The following DAPK2 variants were observed in gnomAD, a reference collection of about 807,000 sequenced individuals.
DAPK2 encodes the protein death-associated protein kinase 2.
In DAPK2, 35 loss-of-function variants were observed where a neutral mutation model predicts 44.1. That is an observed-to-expected ratio of 0.79 (90% CI 0.61 to 1.05). The LOEUF is 1.05. DAPK2 is among the 50% of genes least tolerant of loss of function. The probability of loss-of-function intolerance (pLI) is 0.00; values close to 1 mark genes in which losing one functional copy is unlikely to be tolerated. For missense variants in DAPK2, 453 were observed against 483.2 expected, an observed-to-expected ratio of 0.94 and a Z score of 0.59; for synonymous variants, 174 against 182.6, an observed-to-expected ratio of 0.95 and a Z score of 0.38.
chr15:63,912,068 G>GCCCCCCCCCAGTGCCCCCCCC lies in DAPK2; in HGVS notation c.948+39_948+40insGGGGGGGGCACTGGGGGGGGG. 3.8e-6 allele frequency: 5 copies of GCCCCCCCCCAGTGCCCCCCCC among 1,312,388 alleles called. No individual in the cohort carries two copies. The highest frequency in any genetic ancestry group is 5.4e-6 in the Non-Finnish European group (5 of 924,232). The allele number at this position is 1,312,388 out of a possible 1,614,324, so 81.3% of individuals were successfully genotyped here. A position where few individuals can be genotyped will look rare whatever the true frequency, so the allele number is the denominator to read the frequency against. Reference sequence around the variant, plus strand: ...CTGGAGAGCCAGAAACCCCGCCCTAGCCCCCACCCTGTCCCCCGCCGCCCC... The same window carrying GCCCCCCCCCAGTGCCCCCCCC: ...CTGGAGAGCCAGAAACCCCGCCCTAGCCCCCCCCCAGTGCCCCCCCCCCCCCACCCTGTCCCCCGCCGCCCC... On this transcript the variant is annotated intron_variant, in intron 9 of 10. Transcript: ENST00000261891. This position sits in a 1 kb window ranked among gnomAD's most constrained non-coding sequence, Gnocchi z 4.4.
At chr15:64,024,574 C>T (rs1017091085) in intron 1 of DAPK2, among the ~76,000 whole-genome samples, 1 of 152,212 alleles carries the variant, frequency 6.6e-6, no homozygotes, top group African/African-American at 2.4e-5. Context: ...CACCAAGGAG[C>T]TCACAGTGGC....
At chr15:63,983,601 C>T (rs765288665) in exon 2 of DAPK2, 1 of 1,614,232 alleles carries the variant, frequency 6.2e-7, no homozygotes, top group Non-Finnish European at 8.5e-7. Flanking sequence ...CATTGTGGTG[C>T]AGCACCTGCC....
At chr15:63,993,002 G>C (rs1216824254) in intron 1 of DAPK2, among the ~76,000 whole-genome samples, 1 of 152,182 alleles carries the variant, frequency 6.6e-6, no homozygotes, top group Non-Finnish European at 1.5e-5. Context: ...GATGGTTTGA[G>C]GCTCTCCTGT....
At chr15:64,029,951 G>A (rs1473874491) in intron 1 of DAPK2, 1 of 152,524 alleles carries the variant, frequency 6.6e-6, no homozygotes, top group Non-Finnish European at 1.5e-5. Context: ...ACCCCCCTCA[G>A]GAGGACTGGT....
In DAPK2 at chr15:63,934,341, C is replaced by G. The variant is rs183128775; in HGVS notation, c.584-3886G>C. On this transcript the variant is annotated intron_variant, in intron 4 of 10. Transcript: ENST00000261891. ...GTGCCATCTTGGCTCACTGCAACCT[C>G]TGCCTCCTGGGTTCAAGTGATTCTC... 3.3e-3 allele frequency among the ~76,000 whole-genome samples: 484 copies of G among 144,748 alleles called. 4 individuals are homozygous for G. The highest frequency in any genetic ancestry group is 0.027 in the Middle Eastern group (7 of 260). 95.0% of individuals were successfully genotyped at this position (144,748 alleles called of 152,430 possible).
chr15:63,973,484 T>A (rs1324283672), intron 2 of DAPK2, among the ~76,000 whole-genome samples: 2 of 152,218 alleles, frequency 1.3e-5, no homozygotes, highest in Non-Finnish European at 2.9e-5. Flanking sequence ...CATTCTTCCT[T>A]TTAGAATGGG....
At chr15:63,973,446 C>T (rs2078266728) in intron 2 of DAPK2, among the ~76,000 whole-genome samples, 1 of 152,224 alleles carries the variant, frequency 6.6e-6, no homozygotes, top group Admixed American at 6.5e-5. Context: ...TGTACTGGCT[C>T]AGAACCTGTC....
chr15:63,981,101 AAAAAG>A (rs1021343675), intron 2 of DAPK2, among the ~76,000 whole-genome samples: 6 of 152,052 alleles, frequency 3.9e-5, no homozygotes, highest in African/African-American at 1.2e-4. Context: ...AAAAAAAAAA[AAAAAG>A]AGGTGATTGG....
At chr15:63,930,538 G>T in intron 4 of DAPK2, 83 bp from the exon 6 acceptor site, 1 of 1,277,820 alleles carries the variant, frequency 7.8e-7, no homozygotes, top group Non-Finnish European at 1.1e-6. Context: ...GGAATTTGGT[G>T]CCAAATATCT....
intron 3 of DAPK2, among the ~76,000 whole-genome samples, chr15:63,956,075 T>C (rs2077714013): frequency 6.6e-6 from 1 of 152,222 alleles, no homozygotes; most frequent in Non-Finnish European, 1.5e-5. Context: ...TCCAGCCTAT[T>C]GGAAATCATA....
intron 8 of DAPK2, among the ~76,000 whole-genome samples, chr15:63,915,333 G>GCACCC (rs1258958670): frequency 6.6e-6 from 1 of 152,112 alleles, no homozygotes; most frequent in East Asian, 1.9e-4. Flanking sequence ...AAGGTGCTTA[G>GCACCC]CACCCTCCCC....
At chr15:63,929,944 G>T (rs1413704675) in intron 5 of DAPK2, 2 of 450,516 alleles carry the variant, frequency 4.4e-6, no homozygotes, top group South Asian at 3.8e-5. Flanking sequence ...GGTAACAAAG[G>T]TGCTTGGCCA....
intron 4 of DAPK2, among the ~76,000 whole-genome samples, chr15:63,933,287 A>T (rs2077028459): frequency 6.6e-6 from 1 of 152,172 alleles, no homozygotes; most frequent in African/African-American, 2.4e-5. Flanking sequence ...CTTTTTGCCC[A>T]GGCTGGAGTG....
rs1171460098 is a variant in DAPK2 at position 63,923,797 on chromosome 15, C to A, written c.858+1019G>T. Among the ~76,000 whole-genome samples the A allele has an allele frequency of 6.6e-6, 1 of 152,226 alleles. No homozygotes were observed. Among genetic ancestry groups the A allele is most frequent in the Non-Finnish European group, 1.5e-5 (1 of 68,036 alleles). On this transcript the variant is annotated intron_variant, in intron 8 of 10. Coordinates refer to ENST00000261891, the Ensembl canonical transcript of DAPK2. This position sits in a 1 kb window ranked among gnomAD's most constrained non-coding sequence, Gnocchi z 4.2. ...CTGACCTCTTCCCAGACGACTCCAG[C>A]CCTCCCTGTTCTGTCTTCCACAGGC...
rs2079246747 is a variant in DAPK2, at chr15:63,925,968, A to G, written c.785T>C (p.Ile262Thr). The G allele has an allele frequency of 2.5e-6, 4 of 1,614,032 alleles. No homozygotes were observed. The African/African-American group carries it at 5.3e-5, about 22-fold the overall frequency. The change falls in exon 7 of 11, where the codon ATT (isoleucine) becomes ACT (threonine). Residue 262 changes from isoleucine (I) to threonine (T), a missense_variant. Transcript: ENST00000261891. The stretch of plus-strand genomic sequence containing the variant: ...GGTCTCTTTAACCAGAAGCTTCCGA[A>G]TAAAGTCCTTGGCCAGCTCGCTCGT...
exon 7 of DAPK2, chr15:63,926,046 A>C (rs763320373): frequency 6.8e-6 from 11 of 1,613,870 alleles, no homozygotes; most frequent in Non-Finnish European, 8.5e-7. Flanking sequence ...GATATTTGCC[A>C]GTGTTTCCTG....
At chr15:63,995,731 C>T (rs1005654570) in intron 1 of DAPK2, among the ~76,000 whole-genome samples, 17 of 152,246 alleles carry the variant, frequency 1.1e-4, no homozygotes, top group African/African-American at 3.6e-4. Context: ...GGCAATGTCC[C>T]TCCTGTTAGC....
At chr15:63,963,509 T>C (rs1304858898) in intron 3 of DAPK2, among the ~76,000 whole-genome samples, 1 of 152,230 alleles carries the variant, frequency 6.6e-6, no homozygotes, top group Non-Finnish European at 1.5e-5. Context: ...AGCCAATCTA[T>C]GTCTTTTGAT....
At chr15:64,028,473 A>G (rs926329549) in intron 1 of DAPK2, among the ~76,000 whole-genome samples, 1 of 152,256 alleles carries the variant, frequency 6.6e-6, no homozygotes, top group Admixed American at 6.5e-5. Flanking sequence ...GATGCAACAC[A>G]TGATCCTGCC....
Sources: allele counts gnomAD v4.1 joint callset (sites outside exome capture counted in the v4.1 genomes callset), GRCh38; gene constraint gnomAD v4.1.1; non-coding constraint Gnocchi (gnomAD v3.1); transcripts MANE v1.5; gene names NCBI Gene and HGNC (gene_info 2026-07-23, HGNC 2026-07-21).